TANK: variants seen among roughly 807,000 people sequenced by gnomAD.
The protein encoded by TANK is TRAF family member associated NFKB activator, also known as TRAF family member-associated NF-kappa-B activator.
Under a neutral mutation model 43.6 loss-of-function variants are expected in TANK, and 15 were observed. That is an observed-to-expected ratio of 0.34 (90% confidence interval 0.23 to 0.53). The LOEUF (loss-of-function observed/expected upper bound fraction) is 0.53, where lower values mean the gene tolerates loss of function less well. TANK is among the 20% of genes least tolerant of loss of function. TANK has a pLI of 0.94. For missense variants in TANK, 417 were observed against 498.6 expected (o/e 0.84, Z 1.56); for synonymous variants, 162 against 178.2 (o/e 0.91, Z 0.73).
chr2:161,200,856 C>A (rs529011060), intron 2 of TANK, among the ~76,000 whole-genome samples: 1 of 151,690 alleles, frequency 6.6e-6, no homozygotes, highest in South Asian at 2.1e-4. Flanking sequence ...AATGGCTACT[C>A]CAGAGGCAGA....
intron 1 of TANK, chr2:161,160,737 G>T: frequency 1.8e-6 from 1 of 546,652 alleles, no homozygotes; most frequent in Non-Finnish European, 3.5e-6. Context: ...TAGCATCGTC[G>T]GCCTCTGCCC....
intron 1 of TANK, chr2:161,161,362 A>ATTC: frequency 6.4e-7 from 1 of 1,550,850 alleles, no homozygotes; most frequent in Non-Finnish European, 8.7e-7. Context: ...TTGAAGGAAA[A>ATTC]GAAAATGACC....
chr2:161,178,725 G>T (rs983166974), intron 1 of TANK, among the ~76,000 whole-genome samples: 21 of 152,080 alleles, frequency 1.4e-4, no homozygotes, highest in African/African-American at 5.1e-4. Flanking sequence ...AACAAAAGAT[G>T]TTATGACAGA....
At chr2:161,178,119 A>G (rs909498940) in intron 1 of TANK, among the ~76,000 whole-genome samples, 1 of 152,264 alleles carries the variant, frequency 6.6e-6, no homozygotes, top group East Asian at 1.9e-4. Context: ...TCAAAAAGTT[A>G]AAGATAGAAT....
chr2:161,187,017 A>T (rs1685691606), intron 2 of TANK, among the ~76,000 whole-genome samples: 1 of 152,222 alleles, frequency 6.6e-6, no homozygotes, highest in African/African-American at 2.4e-5. Flanking sequence ...TATTTGACAA[A>T]AAAATAACAG....
intron 2 of TANK, among the ~76,000 whole-genome samples, chr2:161,188,855 T>C (rs554138467): frequency 7.2e-5 from 11 of 152,270 alleles, no homozygotes; most frequent in Non-Finnish European, 1.5e-4. Context: ...GGCCATGAGG[T>C]CTCTGCCCCC....
chr2:161,149,841 G>A (rs1044842543), intron 1 of TANK, among the ~76,000 whole-genome samples: 4 of 151,684 alleles, frequency 2.6e-5, no homozygotes, highest in African/African-American at 9.7e-5. Flanking sequence ...AATCACACTT[G>A]ATCATGATGT....
intron 1 of TANK, among the ~76,000 whole-genome samples, chr2:161,171,332 C>A (rs571303831): frequency 6.6e-6 from 1 of 152,194 alleles, no homozygotes; most frequent in East Asian, 1.9e-4. Flanking sequence ...AAAGTCATAC[C>A]CTAAACATCT....
intron 1 of TANK, among the ~76,000 whole-genome samples, chr2:161,150,586 CTT>C (rs1285528359): frequency 7.4e-6 from 1 of 134,608 alleles, no homozygotes; most frequent in Non-Finnish European, 1.5e-5. Context: ...AAATCTTCTT[CTT>C]CTTTTTTTTT....
intron 4 of TANK, 130 bp downstream of exon 4, chr2:161,204,923 A>G (rs1686580872): frequency 6.9e-7 from 1 of 1,454,538 alleles, no homozygotes; most frequent in Admixed American, 3.2e-5. Flanking sequence ...TGTGGCTTAA[A>G]TATTTCTAAA....
At chr2:161,231,575 A>C in intron 7 of TANK, 24 bp downstream of exon 7, 1 of 1,592,190 alleles carries the variant, frequency 6.3e-7, no homozygotes, top group Non-Finnish European at 8.6e-7. Flanking sequence ...ATTAACAAAT[A>C]TATTATTATG....
chr2:161,189,606 T>A (rs1685821539), intron 2 of TANK, among the ~76,000 whole-genome samples: 1 of 152,176 alleles, frequency 6.6e-6, no homozygotes, highest in African/African-American at 2.4e-5. Flanking sequence ...ATTATCTCTG[T>A]TTGTAAACAA....
chr2:161,142,688 T>C (rs1573938027), intron 1 of TANK, among the ~76,000 whole-genome samples: 1 of 152,324 alleles, frequency 6.6e-6, no homozygotes. Context: ...TATATGTCTG[T>C]TTTGGTACCA....
intron 1 of TANK, chr2:161,161,645 T>C (rs1684442499): frequency 1.6e-6 from 1 of 607,914 alleles, no homozygotes; most frequent in Admixed American, 3.2e-5. Flanking sequence ...TGTTTCAGAT[T>C]AAATATATAT....
intron 2 of TANK, among the ~76,000 whole-genome samples, chr2:161,185,485 G>T (rs1311222646): frequency 1.4e-5 from 2 of 146,812 alleles, no homozygotes; most frequent in Non-Finnish European, 3.0e-5. Context: ...TTGGTTTTTT[G>T]TTTTTTTTTT....
intron 1 of TANK, among the ~76,000 whole-genome samples, chr2:161,151,510 A>G (rs1475542957): frequency 6.6e-6 from 1 of 152,116 alleles, no homozygotes; most frequent in Non-Finnish European, 1.5e-5. Flanking sequence ...CTTTTTGTCA[A>G]TACATAATAT....
chr2:161,226,394 G>A (rs1687615732), intron 6 of TANK, among the ~76,000 whole-genome samples: 1 of 151,938 alleles, frequency 6.6e-6, no homozygotes, highest in South Asian at 2.1e-4. Flanking sequence ...AGTTTTGCTG[G>A]GGTCCAAAGA....
intron 1 of TANK, among the ~76,000 whole-genome samples, chr2:161,169,617 G>A (rs759490610): frequency 6.6e-5 from 10 of 152,132 alleles, no homozygotes; most frequent in Admixed American, 1.3e-4. Context: ...AATTTGTTGC[G>A]AAGGTGAAGC....
intron 1 of TANK, chr2:161,139,784 T>C (rs1282909347): frequency 2.0e-6 from 2 of 985,256 alleles, no homozygotes; most frequent in South Asian, 4.7e-5. Flanking sequence ...AGTAACCCTA[T>C]CCAGGCATAG....
Sources: gnomAD v4.1 joint callset for allele counts (sites outside exome capture counted in the v4.1 genomes callset) on GRCh38, gnomAD v4.1.1 for gene constraint, MANE v1.5 for transcripts, NCBI Gene and HGNC (gene_info 2026-07-23, HGNC 2026-07-21) for gene names.